The following EDARADD variants were observed in gnomAD, a reference collection of about 807,000 sequenced individuals.
The protein encoded by EDARADD is ectodysplasin-A receptor-associated adapter protein.
EDARADD carries 20 observed loss-of-function variants against 25.6 expected under a neutral mutation model. The ratio of observed to expected loss-of-function variants is 0.78; its 90% CI spans 0.55 to 1.14. The LOEUF (loss-of-function observed/expected upper bound fraction) is 1.14. EDARADD is among the 50% of genes most tolerant of loss of function. The probability of loss-of-function intolerance (pLI) is 0.00; values close to 1 mark genes in which losing one functional copy is unlikely to be tolerated. For synonymous variants in EDARADD, 86 were observed against 94.4 expected (o/e 0.91, Z 0.52); for missense variants, 225 against 270.1 (o/e 0.83, Z 1.17).
chr1:236,469,347 AC>A (rs889498164), intron 5 of EDARADD, among the ~76,000 whole-genome samples: 1 of 152,008 alleles, frequency 6.6e-6, no homozygotes, highest in Non-Finnish European at 1.5e-5. Context: ...GGTGATGGGC[AC>A]CTATAATCTG....
chr1:236,467,763 C>T (rs1416211874), intron 4 of EDARADD, among the ~76,000 whole-genome samples: 6 of 151,688 alleles, frequency 4.0e-5, no homozygotes, highest in African/African-American at 1.5e-4. Flanking sequence ...GCATTGATAC[C>T]CTTTTTTTTT....
chr1:236,353,183 T>G (rs601854), intron 3 of EDARADD, among the ~76,000 whole-genome samples: 77,757 of 151,886 alleles, frequency 0.51, 20,751 homozygotes, highest in East Asian at 0.84. Context: ...TTACCTCTCA[T>G]CCCCCACAGA....
In EDARADD at chr1:236,363,419, C is replaced by T. The variant is rs946702322; in HGVS notation, c.-6+12580C>T. 6.6e-5 allele frequency among the ~76,000 whole-genome samples: 10 copies of T among 151,354 alleles called. No individual in the cohort carries two copies. The East Asian group carries it at 1.2e-3, about 18-fold the overall frequency. ...GATCTGGTTGTTGAAAAGTGTGTCA[C>T]GTCCCCCACATGTTCCTTCTCCAGC... is the stretch of plus-strand genomic sequence containing the variant. On this transcript the variant is annotated intron_variant, in intron 3 of 7. Transcript: ENST00000439430.
chr1:236,362,798 A>G (rs921733490), intron 3 of EDARADD, among the ~76,000 whole-genome samples: 1 of 151,102 alleles, frequency 6.6e-6, no homozygotes, highest in African/African-American at 2.4e-5. Flanking sequence ...TGTAAAGGCC[A>G]TCTTATCTCT....
intron 3 of EDARADD, among the ~76,000 whole-genome samples, chr1:236,427,031 G>T (rs111392240): frequency 6.6e-6 from 1 of 152,234 alleles, no homozygotes; most frequent in South Asian, 2.1e-4. Flanking sequence ...ACAGGCATGC[G>T]CTACCACTCT....
At chr1:236,446,216 C>T (rs1314709574) in intron 4 of EDARADD, among the ~76,000 whole-genome samples, 4 of 152,168 alleles carry the variant, frequency 2.6e-5, no homozygotes, top group African/African-American at 9.7e-5. Context: ...ACCTCCTGTA[C>T]AGCCCTTGGC....
rs34922732 is a variant in EDARADD, at chr1:236,421,489, C to CTTTT, written c.161-5880_161-5877dup. Reference sequence around the variant, plus strand: ...TAGGCCATTCAAGACCTTCCCAGTTCTTTTTTTTTTTTTTTTTTTTTTTTT... The same window carrying CTTTT: ...TAGGCCATTCAAGACCTTCCCAGTTCTTTTTTTTTTTTTTTTTTTTTTTTTTTTT... On this transcript the variant is annotated intron_variant, in intron 3 of 5. Transcript: ENST00000334232. Among the ~76,000 whole-genome samples the CTTTT allele has an allele frequency of 2.9e-4, 22 of 75,446 alleles. 2 individuals carry two copies. The highest frequency in any genetic ancestry group is 9.2e-4 in the African/African-American group (20 of 21,674). The allele number at this position is 75,446 out of a possible 152,430, so 49.5% of individuals were successfully genotyped here. A position where few individuals can be genotyped will look rare whatever the true frequency, so the allele number is the denominator to read the frequency against.
intron 1 of EDARADD, among the ~76,000 whole-genome samples, chr1:236,401,503 C>T (rs1667611244): frequency 6.6e-6 from 1 of 152,188 alleles, no homozygotes; most frequent in Admixed American, 6.5e-5. Context: ...GGGTTATGTG[C>T]TGAGGATTCT....
chr1:236,470,506 C>T (rs1251393038), intron 5 of EDARADD, among the ~76,000 whole-genome samples: 1 of 152,176 alleles, frequency 6.6e-6, no homozygotes, highest in East Asian at 1.9e-4. Flanking sequence ...GAATGATAGT[C>T]ATTATTAATT....
intron 3 of EDARADD, among the ~76,000 whole-genome samples, chr1:236,367,066 A>C (rs1049283855): frequency 2.2e-5 from 3 of 134,748 alleles, no homozygotes; most frequent in Non-Finnish European, 4.6e-5. Flanking sequence ...CCTGGGCGAC[A>C]GAGTGAGACT....
Position 236,482,679 on chromosome 1 carries a change from C to A in EDARADD, c.*30C>A. On this transcript the variant is annotated 3_prime_UTR_variant, in exon 6 of 6. Coordinates refer to ENST00000334232, the MANE Select transcript of EDARADD (RefSeq NM_145861.4). ...CTTCTTCTTCCTTCATTGGCCTCTCCGGATGTTGAAACAACCACAGGTCAA... is the reference window on the plus strand; with the variant it reads ...CTTCTTCTTCCTTCATTGGCCTCTCAGGATGTTGAAACAACCACAGGTCAA... 1.9e-6 allele frequency: 3 copies of A among 1,609,674 alleles called. No homozygotes were observed. Among genetic ancestry groups the A allele is most frequent in the Non-Finnish European group, 2.5e-6 (3 of 1,179,980 alleles).
At chr1:236,396,947 G>A (rs912542164) in intron 1 of EDARADD, among the ~76,000 whole-genome samples, 1 of 123,032 alleles carries the variant, frequency 8.1e-6, no homozygotes, top group African/African-American at 3.1e-5. Context: ...AGTGGCCTCA[G>A]ATCTCATTAA....
At chr1:236,467,028 T>C (rs947097956) in intron 4 of EDARADD, among the ~76,000 whole-genome samples, 2 of 151,616 alleles carry the variant, frequency 1.3e-5, no homozygotes, top group East Asian at 1.9e-4. Context: ...ATTGTGCCAC[T>C]GCACTCCAGC....
In EDARADD at chr1:236,416,141, T is replaced by C. The variant is rs544469869; in HGVS notation, c.160+1842T>C. ...AAAGGCTGTGAGTGGCCTCAGCAAG[T>C]GGCTTCAGGTCTCAGGGTCTCTGTT... On this transcript the variant is annotated intron_variant, in intron 3 of 5. Transcript: ENST00000334232. 1.3e-4 allele frequency among the ~76,000 whole-genome samples: 20 copies of C among 152,292 alleles called. 2 individuals carry two copies. Among genetic ancestry groups the C allele is most frequent in the African/African-American group, 4.6e-4 (19 of 41,546 alleles).
At chr1:236,400,188 C>T (rs563956747) in intron 1 of EDARADD, among the ~76,000 whole-genome samples, 6 of 152,294 alleles carry the variant, frequency 3.9e-5, no homozygotes, top group African/African-American at 7.2e-5. Context: ...TTTCTTACAA[C>T]GCCTCTGCTT....
At position 236,483,097 on chromosome 1, in the gene EDARADD, T is replaced by C. The variant is rs2103043038; in HGVS notation, c.*448T>C. On this transcript the variant is annotated 3_prime_UTR_variant, in exon 6 of 6. Coordinates refer to ENST00000334232, the MANE Select transcript of EDARADD (RefSeq NM_145861.4). The stretch of plus-strand genomic sequence containing the variant: ...AAAGAAAACAGCTACAAGGAATGCT[T>C]ACCTGAGTGTCTGCAGCACCCTCCA... 9.6e-7 allele frequency: 1 copy of C among 1,037,540 alleles called. No homozygotes were observed. 64.3% of individuals were successfully genotyped at this position (1,037,540 alleles called of 1,614,324 possible).
intron 1 of EDARADD, among the ~76,000 whole-genome samples, chr1:236,396,979 G>T (rs1667526019): frequency 9.3e-6 from 1 of 107,456 alleles, no homozygotes; most frequent in African/African-American, 3.5e-5. Context: ...AGGGGTGGGG[G>T]GTGGGGGAAT....
chr1:236,412,152 G>T (rs1388738784), intron 2 of EDARADD, among the ~76,000 whole-genome samples: 2 of 151,980 alleles, frequency 1.3e-5, no homozygotes, highest in Non-Finnish European at 2.9e-5. Context: ...TTCTTAATAC[G>T]CCATGCCCTC....
upstream of EDARADD, among the ~76,000 whole-genome samples, chr1:236,394,000 T>TA (rs200218626): frequency 0.011 from 629 of 56,480 alleles, 17 homozygotes; most frequent in East Asian, 0.36. Flanking sequence ...CAATCTTCCT[T>TA]AAAAAAAAAA....
Sources: gnomAD v4.1 joint callset for allele counts (sites outside exome capture counted in the v4.1 genomes callset) on GRCh38, gnomAD v4.1.1 for gene constraint, MANE v1.5 for transcripts, NCBI Gene and HGNC (gene_info 2026-07-23, HGNC 2026-07-21) for gene names.